Variants in NT5C1B observed in about 807,000 individuals in gnomAD.
NT5C1B encodes 5'-nucleotidase, cytosolic IB, also known as cytosolic 5'-nucleotidase 1B.
NT5C1B carries 44 observed loss-of-function variants against 57.8 expected under a neutral mutation model. The ratio of observed to expected loss-of-function variants is 0.76; its 90% CI spans 0.60 to 0.98. The LOEUF is 0.98. Ranked by LOEUF, NT5C1B falls within the 50% of genes least tolerant of loss-of-function variation. The pLI, the probability that NT5C1B is intolerant of heterozygous loss-of-function variation, is 0.00. For synonymous variants in NT5C1B, 284 were observed against 282.6 expected (o/e 1.00, Z -0.05); for missense variants, 742 against 719.5 (o/e 1.03, Z -0.36).
intron 5 of NT5C1B, 177 bp downstream of exon 5, chr2:18,583,911 C>T (rs1666410705): frequency 2.8e-6 from 3 of 1,067,378 alleles, no homozygotes; most frequent in Non-Finnish European, 4.3e-6. Context: ...GTCCCTTCCT[C>T]CACAGTCTGG....
At position 18,584,970 on chromosome 2, in the gene NT5C1B, G is replaced by A; in HGVS notation, c.267C>T (p.Ser89=). Residue 89 remains serine, a synonymous_variant, in exon 4 of 9, where the codon AGC becomes AGT. Coordinates refer to ENST00000304081, the Ensembl canonical transcript of NT5C1B. This position sits in a 1 kb window ranked among gnomAD's most constrained non-coding sequence, Gnocchi z 5.8. ...ATGGAGTCCGGGAGCTCGTGGAGCT[G>A]CTGGGGAGCTGCAGCAAGACAATGG... 2 of 1,549,044 alleles carry A rather than the reference G, an allele frequency of 1.3e-6. No homozygotes were observed. Among genetic ancestry groups the A allele is most frequent in the Non-Finnish European group, 1.7e-6 (2 of 1,154,950 alleles).
At chr2:18,581,814 C>T (rs1022555610) in intron 6 of NT5C1B, among the ~76,000 whole-genome samples, 4 of 152,070 alleles carry the variant, frequency 2.6e-5, no homozygotes, top group Admixed American at 1.3e-4. Flanking sequence ...GACGGAGATA[C>T]GAATTGCTTT....
At chr2:18,574,416 T>C (rs956164645) in intron 8 of NT5C1B, among the ~76,000 whole-genome samples, 2 of 152,162 alleles carry the variant, frequency 1.3e-5, no homozygotes, top group Admixed American at 6.5e-5. Flanking sequence ...GAAAACAGAA[T>C]GGAAGTTTTT....
chr2:18,587,234 G>C, intron 2 of NT5C1B: 1 of 1,546,232 alleles, frequency 6.5e-7, no homozygotes, highest in Non-Finnish European at 8.7e-7. Context: ...TCCCTGATTT[G>C]AACAAAGACC....
chr2:18,568,317 T>C (rs1483286795), intron 8 of NT5C1B, among the ~76,000 whole-genome samples: 2 of 152,184 alleles, frequency 1.3e-5, no homozygotes, highest in African/African-American at 2.4e-5. Context: ...CCCAGAATAC[T>C]ACATTCAGTA....
chr2:18,586,398 T>C lies in NT5C1B; in HGVS notation c.121-7A>G, dbSNP rs1347191078. The C allele has an allele frequency of 6.2e-7, 1 of 1,613,780 alleles. No homozygotes were observed. Among genetic ancestry groups the C allele is most frequent in the Non-Finnish European group, 8.5e-7 (1 of 1,179,944 alleles). ...GTGATGATTCTTGTGATCCCTGTGA[T>C]GGAAAGAAGAAACCCAACGGTGTAA... On this transcript the variant is annotated splice_polypyrimidine_tract_variant and splice_region_variant and intron_variant, in intron 2 of 8. Transcript: ENST00000304081.
At chr2:18,589,531 T>C (rs764792582) in exon 1 of NT5C1B, 3 of 1,612,380 alleles carry the variant, frequency 1.9e-6, no homozygotes, top group Non-Finnish European at 2.5e-6. Flanking sequence ...CTCCATTTCC[T>C]GTCACTTCCC....
intron 2 of NT5C1B, chr2:18,587,076 G>A: frequency 6.2e-7 from 1 of 1,614,198 alleles, no homozygotes; most frequent in Non-Finnish European, 8.5e-7. Context: ...GGGGCCAAGG[G>A]CTGTTCCCTC....
At chr2:18,586,888 ACCC>A (rs1666759895) in intron 2 of NT5C1B, 13 of 1,538,478 alleles carry the variant, frequency 8.4e-6, no homozygotes, top group Non-Finnish European at 8.8e-6. Context: ...AGAATGAAGG[ACCC>A]CCCGGAACAG....
At position 18,584,826 on chromosome 2, in the gene NT5C1B, T is replaced by G. The variant is rs755266365; in HGVS notation, c.411A>C (p.Pro137=). ...TGCGCCGGGAGCCAGGATCGGGCTC[T>G]GGGGGCGTGGGAGGCCGCGAGTCCA... The change falls in exon 4 of 9, where the codon CCA becomes CCC. Residue 137 remains proline (P), a synonymous_variant. Transcript: ENST00000304081. The surrounding 1 kb of genome is among the most constrained non-coding windows in gnomAD (Gnocchi z 5.8). 1.2e-6 allele frequency: 2 copies of G among 1,611,586 alleles called. No individual in the cohort carries two copies. Among genetic ancestry groups the G allele is most frequent in the African/African-American group, 2.7e-5 (2 of 74,868 alleles).
intron 3 of NT5C1B, 112 bp from the exon 4 acceptor site, chr2:18,585,090 C>T: frequency 7.1e-7 from 1 of 1,404,918 alleles, no homozygotes. Flanking sequence ...GCTGGTTCAT[C>T]TCAGCTCCTT....
chr2:18,571,117 G>A (rs1248471821), intron 8 of NT5C1B, among the ~76,000 whole-genome samples: 1 of 152,182 alleles, frequency 6.6e-6, no homozygotes, highest in African/African-American at 2.4e-5. Context: ...TAAGATCTGG[G>A]TATATGGCAA....
At position 18,584,771 on chromosome 2, in the gene NT5C1B, A is replaced by G. The variant is rs1350897355; in HGVS notation, c.466T>C (p.Trp156Arg). Residue 156 changes from tryptophan to arginine, a missense_variant, in exon 4 of 9, where the codon TGG becomes CGG. Physicochemically the swap from Trp to Arg is moderately radical, Grantham distance 101. Transcript: ENST00000304081. The surrounding 1 kb of genome is among the most constrained non-coding windows in gnomAD (Gnocchi z 5.8). Reference sequence around the variant, plus strand: ...ATTTCCCGCACGATGCCTTGGGCCCAGGCCTCCGGATTCTCTTGCATTTTG... The same window carrying G: ...ATTTCCCGCACGATGCCTTGGGCCCGGGCCTCCGGATTCTCTTGCATTTTG... The G allele has an allele frequency of 6.2e-7, 1 of 1,613,642 alleles. No homozygotes were observed. The highest frequency in any genetic ancestry group is 1.7e-5 in the Admixed American group (1 of 60,002).
chr2:18,563,873 G>A, exon 9 of NT5C1B: 1 of 1,613,858 alleles, frequency 6.2e-7, no homozygotes. Context: ...TGGAACATGT[G>A]GTCATCAAAG....
intron 8 of NT5C1B, among the ~76,000 whole-genome samples, chr2:18,571,517 T>A (rs1665148876): frequency 6.6e-6 from 1 of 151,028 alleles, no homozygotes; most frequent in South Asian, 2.1e-4. Flanking sequence ...TCTAAATAAA[T>A]GAGGAGAGGA....
chr2:18,580,546 C>G (rs1022266095), intron 6 of NT5C1B, among the ~76,000 whole-genome samples: 6 of 152,090 alleles, frequency 3.9e-5, no homozygotes, highest in African/African-American at 1.4e-4. Flanking sequence ...ACCTGGGAGG[C>G]AGAGGTTGCC....
chr2:18,576,984 A>T, intron 6 of NT5C1B, 89 bp from the exon 7 acceptor site: 1 of 1,572,976 alleles, frequency 6.4e-7, no homozygotes, highest in South Asian at 1.2e-5. Context: ...GAGATAACTG[A>T]GTTTATTTGT....
At chr2:18,588,706 C>T (rs906113813) in intron 1 of NT5C1B, among the ~76,000 whole-genome samples, 1 of 152,156 alleles carries the variant, frequency 6.6e-6, no homozygotes, top group Non-Finnish European at 1.5e-5. Flanking sequence ...AAACAGGTTT[C>T]ATGGCCTTAA....
chr2:18,577,262 A>T (rs1175400259), intron 6 of NT5C1B, among the ~76,000 whole-genome samples: 7 of 152,038 alleles, frequency 4.6e-5, no homozygotes. Flanking sequence ...TTAGATGCAT[A>T]GAGCAGACTT....
Sources: allele counts gnomAD v4.1 joint callset (sites outside exome capture counted in the v4.1 genomes callset), GRCh38; gene constraint gnomAD v4.1.1; non-coding constraint Gnocchi (gnomAD v3.1); transcripts MANE v1.5; gene names NCBI Gene and HGNC (gene_info 2026-07-23, HGNC 2026-07-21).